Variants in CNTNAP2 observed in about 807,000 individuals in gnomAD.
The protein encoded by CNTNAP2 is contactin-associated protein-like 2.
In CNTNAP2, 98 loss-of-function variants were observed where a neutral mutation model predicts 155.2. The ratio of observed to expected loss-of-function variants is 0.63; its 90% CI spans 0.54 to 0.75. The LOEUF is 0.75. Among genes scored for constraint, CNTNAP2 ranks in the 30% least tolerant of loss-of-function variants. The pLI is 0.00. For missense variants in CNTNAP2, 1,727 were observed against 1,688.1 expected (o/e 1.02, Z -0.40); for synonymous variants, 651 against 631.2 (o/e 1.03, Z -0.47).
intron 9 of CNTNAP2, among the ~76,000 whole-genome samples, chr7:147,331,983 A>G (rs1261859112): frequency 1.3e-5 from 2 of 152,228 alleles, no homozygotes; most frequent in African/African-American, 4.8e-5. Flanking sequence ...GTTTTAAAAA[A>G]GCTGTTCTCA....
chr7:147,758,757 A>C (rs1468516945), intron 13 of CNTNAP2, among the ~76,000 whole-genome samples: 2 of 152,112 alleles, frequency 1.3e-5, no homozygotes, highest in African/African-American at 4.8e-5. Context: ...AGGTGAGAGG[A>C]TCACTTGAGC....
At chr7:148,218,375 G>A (rs1425859682) in intron 19 of CNTNAP2, among the ~76,000 whole-genome samples, 1 of 152,102 alleles carries the variant, frequency 6.6e-6, no homozygotes, top group Non-Finnish European at 1.5e-5. Context: ...TGTCATAAAG[G>A]TTGCTTAAAG....
At chr7:146,727,121 G>T (rs1438796368) in intron 1 of CNTNAP2, among the ~76,000 whole-genome samples, 3 of 151,914 alleles carry the variant, frequency 2.0e-5, no homozygotes, top group African/African-American at 7.3e-5. Context: ...GAAACATATG[G>T]TCCTATAAAC....
intron 14 of CNTNAP2, among the ~76,000 whole-genome samples, chr7:147,917,610 C>T (rs1043138214): frequency 1.3e-5 from 2 of 152,216 alleles, no homozygotes; most frequent in Non-Finnish European, 2.9e-5. Context: ...CTTTAGTTAA[C>T]CACGACTAGC....
At chr7:147,152,322 A>G (rs1801843571) in intron 8 of CNTNAP2, among the ~76,000 whole-genome samples, 1 of 152,012 alleles carries the variant, frequency 6.6e-6, no homozygotes, top group South Asian at 2.1e-4. Context: ...GTGGTGGTTA[A>G]TTACATAGAC....
At chr7:148,236,258 T>G (rs1310530881) in intron 20 of CNTNAP2, among the ~76,000 whole-genome samples, 1 of 152,162 alleles carries the variant, frequency 6.6e-6, no homozygotes, top group East Asian at 1.9e-4. Flanking sequence ...GCAGCTACTT[T>G]GGGGCCAGTG....
At chr7:146,245,874 C>T (rs750793423) in intron 1 of CNTNAP2, among the ~76,000 whole-genome samples, 182 of 141,812 alleles carry the variant, frequency 1.3e-3, no homozygotes, top group African/African-American at 5.2e-3. Flanking sequence ...GTTTGAGATC[C>T]AGAACAGAAT....
chr7:147,083,621 AT>A lies in CNTNAP2; in HGVS notation c.551-24525del, dbSNP rs1333644069. Among the ~76,000 whole-genome samples, 3 of 145,726 alleles carry A rather than the reference AT, an allele frequency of 2.1e-5. No homozygotes were observed. In the Admixed American group the frequency reaches 2.1e-4, roughly 10 times the overall value. On this transcript the variant is annotated intron_variant, in intron 4 of 23. Coordinates refer to ENST00000361727, the MANE Select transcript of CNTNAP2 (RefSeq NM_014141.6). ...ACGTCTATAATGCTATATATAAAAA[AT>A]ATATCTGTATGTGTGTATATATCTA...
intron 10 of CNTNAP2, among the ~76,000 whole-genome samples, chr7:147,470,087 C>T (rs1361176358): frequency 7.9e-5 from 12 of 152,006 alleles, no homozygotes; most frequent in Non-Finnish European, 1.8e-4. Flanking sequence ...CTCCATAGAC[C>T]ATTGTAAGCT....
In CNTNAP2 at chr7:148,409,486, G is replaced by A; in HGVS notation, c.3796+15G>A. 6.2e-7 allele frequency: 1 copy of A among 1,609,852 alleles called. No homozygotes were observed. The highest frequency in any genetic ancestry group is 8.5e-7 in the Non-Finnish European group (1 of 1,176,154). ...TATCATTGGAGGTAGGTGATGTCTAGAGGAGGCTTATATGGGGCTACTCAA... is the reference window on the plus strand; with the variant it reads ...TATCATTGGAGGTAGGTGATGTCTAAAGGAGGCTTATATGGGGCTACTCAA... On this transcript the variant is annotated intron_variant, in intron 23 of 23. Coordinates refer to ENST00000361727, the MANE Select transcript of CNTNAP2 (RefSeq NM_014141.6).
intron 1 of CNTNAP2, among the ~76,000 whole-genome samples, chr7:146,747,124 A>G (rs1353141484): frequency 1.1e-4 from 16 of 152,144 alleles, no homozygotes; most frequent in African/African-American, 3.9e-4. Context: ...TTTTAAGAAA[A>G]CCTATTAAAT....
At chr7:148,226,739 C>A (rs956619603) in intron 19 of CNTNAP2, among the ~76,000 whole-genome samples, 1 of 152,228 alleles carries the variant, frequency 6.6e-6, no homozygotes, top group African/African-American at 2.4e-5. Flanking sequence ...AGACAGCCCG[C>A]CCCAAGGGAA....
intron 1 of CNTNAP2, among the ~76,000 whole-genome samples, chr7:146,588,493 TGTGAA>T (rs1265394384): frequency 1.3e-5 from 2 of 148,544 alleles, no homozygotes; most frequent in Admixed American, 1.4e-4. Context: ...ATACCACAGG[TGTGAA>T]ATTACAGCTT....
intron 1 of CNTNAP2, among the ~76,000 whole-genome samples, chr7:146,127,508 TTA>T (rs1797653791): frequency 6.6e-6 from 1 of 152,206 alleles, no homozygotes; most frequent in Non-Finnish European, 1.5e-5. Flanking sequence ...TTTCCTCATT[TTA>T]TAAGTAAATG....
intron 3 of CNTNAP2, among the ~76,000 whole-genome samples, chr7:146,900,491 G>C (rs534627190): frequency 1.3e-5 from 2 of 152,128 alleles, no homozygotes; most frequent in Non-Finnish European, 2.9e-5. Flanking sequence ...TCTAAACCTT[G>C]CTCTGCTCTC....
intron 15 of CNTNAP2, among the ~76,000 whole-genome samples, chr7:148,047,047 C>A (rs1051813561): frequency 6.6e-6 from 1 of 152,164 alleles, no homozygotes; most frequent in South Asian, 2.1e-4. Context: ...TCCTTGGGCC[C>A]CCACCTCCCC....
At chr7:147,025,858 T>C (rs1798909688) in intron 3 of CNTNAP2, among the ~76,000 whole-genome samples, 1 of 141,692 alleles carries the variant, frequency 7.1e-6, no homozygotes, top group South Asian at 2.3e-4. Context: ...GTTGTTTTTT[T>C]TTTTTTTAAA....
chr7:146,923,705 C>T (rs1246843077), intron 3 of CNTNAP2, among the ~76,000 whole-genome samples: 1 of 152,086 alleles, frequency 6.6e-6, no homozygotes, highest in Non-Finnish European at 1.5e-5. Context: ...CTGTTATTAT[C>T]GCATTCGTCA....
chr7:146,541,645 T>C (rs1317929800), intron 1 of CNTNAP2, among the ~76,000 whole-genome samples: 1 of 151,972 alleles, frequency 6.6e-6, no homozygotes, highest in African/African-American at 2.4e-5. Context: ...AGTGAGGTTA[T>C]TAAACAGCAA....
Sources: gnomAD v4.1 joint callset for allele counts (sites outside exome capture counted in the v4.1 genomes callset) on GRCh38, gnomAD v4.1.1 for gene constraint, MANE v1.5 for transcripts, NCBI Gene and HGNC (gene_info 2026-07-23, HGNC 2026-07-21) for gene names.